THSD7B: variants seen among roughly 807,000 people sequenced by gnomAD.
The protein encoded by THSD7B is thrombospondin type 1 domain containing 7B.
Under a neutral mutation model 213.6 loss-of-function variants are expected in THSD7B, and 138 were observed. The ratio of observed to expected loss-of-function variants is 0.65; its 90% CI spans 0.56 to 0.74. The LOEUF (loss-of-function observed/expected upper bound fraction) is 0.74, where lower values mean the gene tolerates loss of function less well. Among genes scored for constraint, THSD7B ranks in the 30% least tolerant of loss-of-function variants. THSD7B has a pLI of 0.00. For missense variants in THSD7B, 1,931 were observed against 1,991.5 expected (o/e 0.97, Z 0.58); for synonymous variants, 742 against 687.0 (o/e 1.08, Z -1.25).
At chr2:137,564,327 C>G (rs550878673) in intron 16 of THSD7B, among the ~76,000 whole-genome samples, 1 of 152,134 alleles carries the variant, frequency 6.6e-6, no homozygotes, top group African/African-American at 2.4e-5. Context: ...CTATTTATGA[C>G]AGTCTCAATG....
intron 7 of THSD7B, among the ~76,000 whole-genome samples, chr2:137,194,811 A>G (rs563330698): frequency 6.6e-6 from 1 of 152,192 alleles, no homozygotes; most frequent in Admixed American, 6.5e-5. Flanking sequence ...ATTTGAGTTA[A>G]TTTTATCATT....
At chr2:137,385,084 CA>C (rs1340977585) in intron 12 of THSD7B, among the ~76,000 whole-genome samples, 6 of 152,184 alleles carry the variant, frequency 3.9e-5, no homozygotes, top group Non-Finnish European at 7.3e-5. Context: ...AATTTTCCTG[CA>C]GAGCCAAGGC....
intron 15 of THSD7B, among the ~76,000 whole-genome samples, chr2:137,508,965 G>T (rs10928614): frequency 6.6e-6 from 1 of 151,794 alleles, no homozygotes; most frequent in African/African-American, 2.4e-5. Flanking sequence ...GTTAAGCAGC[G>T]CTCCAAGAAG....
chr2:137,649,988 G>A (rs1258118636), intron 21 of THSD7B, among the ~76,000 whole-genome samples: 1 of 152,014 alleles, frequency 6.6e-6, no homozygotes, highest in African/African-American at 2.4e-5. Context: ...TCTCATCCCA[G>A]ATACTCGGGG....
chr2:137,391,038 C>A (rs1018166233), intron 12 of THSD7B, among the ~76,000 whole-genome samples: 2 of 151,742 alleles, frequency 1.3e-5, no homozygotes, highest in Non-Finnish European at 2.9e-5. Flanking sequence ...GGATTAATAT[C>A]AGTTCTTCAT....
At chr2:136,831,520 A>G (rs981445243) in intron 1 of THSD7B, among the ~76,000 whole-genome samples, 1 of 152,204 alleles carries the variant, frequency 6.6e-6, no homozygotes, top group African/African-American at 2.4e-5. Flanking sequence ...TTAAGTACAC[A>G]CTATTGTGTT....
Position 137,620,599 on chromosome 2 carries a change from C to T in THSD7B, c.3682-10C>T, listed in dbSNP as rs138173546. The T allele has an allele frequency of 7.6e-4, 1,222 of 1,603,426 alleles. 8 individuals carry two copies. In the African/African-American group the frequency reaches 0.015, roughly 20 times the overall value. On this transcript the variant is annotated splice_polypyrimidine_tract_variant and intron_variant, in intron 19 of 27. Coordinates refer to ENST00000409968, the MANE Select transcript of THSD7B (RefSeq NM_001316349.2). ...TCTCCAATAAAGTTGTGTTTCATTT[C>T]CATTTGCAGCATAATTTGGAGAAGC... is the stretch of plus-strand genomic sequence containing the variant.
At chr2:137,485,333 G>C (rs1454585790) in intron 15 of THSD7B, among the ~76,000 whole-genome samples, 3 of 150,798 alleles carry the variant, frequency 2.0e-5, no homozygotes, top group African/African-American at 7.3e-5. Flanking sequence ...GATAGTTGTA[G>C]ATATGCGGCA....
intron 3 of THSD7B, among the ~76,000 whole-genome samples, chr2:137,070,486 G>T (rs1425329700): frequency 2.0e-5 from 3 of 151,632 alleles, no homozygotes; most frequent in East Asian, 3.9e-4. Flanking sequence ...GTGATTGTTG[G>T]ATAACAGGAT....
chr2:136,887,298 T>TG (rs1374173016), intron 2 of THSD7B, among the ~76,000 whole-genome samples: 8 of 44,268 alleles, frequency 1.8e-4, no homozygotes, highest in Admixed American at 6.0e-4. Flanking sequence ...ACTCCATATT[T>TG]GTTGTGTGTG....
At chr2:137,614,000 T>C (rs372773213) in intron 17 of THSD7B, among the ~76,000 whole-genome samples, 11 of 152,154 alleles carry the variant, frequency 7.2e-5, no homozygotes, top group African/African-American at 2.7e-4. Context: ...TTTTATAAGA[T>C]GAAGTGTGAA....
intron 16 of THSD7B, among the ~76,000 whole-genome samples, chr2:137,566,003 T>C (rs554313534): frequency 6.6e-6 from 1 of 152,280 alleles, no homozygotes; most frequent in East Asian, 1.9e-4. Context: ...GTAATTACTT[T>C]TAAATATGTG....
At chr2:136,776,364 G>A (rs1681604753) in intron 1 of THSD7B, among the ~76,000 whole-genome samples, 1 of 152,122 alleles carries the variant, frequency 6.6e-6, no homozygotes. Context: ...TAGGGGTTAA[G>A]ATTCAACAAA....
intron 2 of THSD7B, among the ~76,000 whole-genome samples, chr2:137,013,071 T>C (rs901943007): frequency 9.9e-5 from 15 of 152,208 alleles, no homozygotes; most frequent in African/African-American, 3.6e-4. Context: ...TATGATTTTA[T>C]TTGAAAAATA....
chr2:136,832,175 TTGTGTGTG>T (rs376949671), intron 1 of THSD7B, among the ~76,000 whole-genome samples: 6 of 72,910 alleles, frequency 8.2e-5, no homozygotes, highest in Non-Finnish European at 1.9e-4. Flanking sequence ...ATACATCCTA[TTGTGTGTG>T]TGTGTGTGTG....
intron 12 of THSD7B, among the ~76,000 whole-genome samples, chr2:137,290,821 G>C (rs1683317547): frequency 6.6e-6 from 1 of 152,062 alleles, no homozygotes; most frequent in Non-Finnish European, 1.5e-5. Context: ...AATCAGGCTT[G>C]GAATCCCGTC....
chr2:137,155,220 A>T (rs1265111880), intron 5 of THSD7B, among the ~76,000 whole-genome samples: 1 of 152,064 alleles, frequency 6.6e-6, no homozygotes, highest in Non-Finnish European at 1.5e-5. Flanking sequence ...CTCTGTGGGG[A>T]TTAACATTGC....
intron 2 of THSD7B, among the ~76,000 whole-genome samples, chr2:136,943,796 C>T (rs761257915): frequency 8.5e-5 from 13 of 152,186 alleles, no homozygotes; most frequent in South Asian, 2.1e-4. Flanking sequence ...GTCTTGCTAG[C>T]GGTCTGTCAA....
chr2:137,468,379 A>G (rs1052681817), intron 15 of THSD7B, among the ~76,000 whole-genome samples: 7 of 152,028 alleles, frequency 4.6e-5, no homozygotes, highest in African/African-American at 1.7e-4. Context: ...AAACACTTAA[A>G]GCTTGGTTTA....
Sources: gnomAD v4.1 joint callset for allele counts (sites outside exome capture counted in the v4.1 genomes callset) on GRCh38, gnomAD v4.1.1 for gene constraint, MANE v1.5 for transcripts, NCBI Gene and HGNC (gene_info 2026-07-23, HGNC 2026-07-21) for gene names.